Variants in UGT1A7 observed in about 807,000 individuals in gnomAD.
UGT1A7 encodes UDP glucuronosyltransferase family 1 member A7, also known as UDP-glucuronosyltransferase 1A7.
A neutral mutation model predicts 45.6 loss-of-function variants in UGT1A7; 33 were observed. The observed-to-expected ratio is 0.72, with a 90% CI of 0.55 to 0.97. UGT1A7 has a LOEUF of 0.97. UGT1A7 is among the 50% of genes least tolerant of loss of function. The pLI is 0.00. For synonymous variants in UGT1A7, 274 were observed against 250.6 expected, an observed-to-expected ratio of 1.09 and a Z score of -0.88; for missense variants, 684 against 666.2, an observed-to-expected ratio of 1.03 and a Z score of -0.29.
intron 1 of UGT1A7, among the ~76,000 whole-genome samples, chr2:233,683,034 G>A (rs1009810485): frequency 3.4e-4 from 52 of 151,970 alleles, no homozygotes; most frequent in African/African-American, 1.3e-3. Context: ...CAATCTAAAT[G>A]CTATTTTTGG....
chr2:233,707,235 A>T (rs2075951053), intron 1 of UGT1A7, among the ~76,000 whole-genome samples: 1 of 151,676 alleles, frequency 6.6e-6, no homozygotes, highest in Admixed American at 6.6e-5. Flanking sequence ...TGTGATGATT[A>T]TTTCTCTTGT....
At chr2:233,688,680 A>T (rs1230576037) in intron 1 of UGT1A7, among the ~76,000 whole-genome samples, 1 of 152,200 alleles carries the variant, frequency 6.6e-6, no homozygotes, top group Admixed American at 6.5e-5. Context: ...TTTTTAAAAA[A>T]TTTAATATTA....
chr2:233,743,134 T>TA (rs919324462), intron 1 of UGT1A7: 10 of 357,158 alleles, frequency 2.8e-5, no homozygotes, highest in East Asian at 7.3e-5. Context: ...CTTTCAATCC[T>TA]AAAAAAAGTC....
chr2:233,689,498 G>A (rs539374555), intron 1 of UGT1A7, among the ~76,000 whole-genome samples: 4 of 152,192 alleles, frequency 2.6e-5, no homozygotes, highest in East Asian at 1.9e-4. Flanking sequence ...AAATCAATAC[G>A]CAGAGGTTAC....
chr2:233,760,063 T>C (rs1697313793), intron 1 of UGT1A7, among the ~76,000 whole-genome samples: 1 of 152,194 alleles, frequency 6.6e-6, no homozygotes, highest in African/African-American at 2.4e-5. Flanking sequence ...GAATGTGATT[T>C]GAGTATGAAA....
chr2:233,691,507 C>A, intron 1 of UGT1A7: 1 of 985,720 alleles, frequency 1.0e-6, no homozygotes, highest in Non-Finnish European at 1.2e-6. Context: ...AACTCGCGTG[C>A]CAGCCAGGTG....
At chr2:233,708,553 AC>A (rs1349773245) in intron 1 of UGT1A7, 9 of 152,176 alleles carry the variant, frequency 5.9e-5, no homozygotes. Flanking sequence ...GGAGTTTGAG[AC>A]CAGCCTAGGC....
chr2:233,706,094 T>TAA lies in UGT1A7; in HGVS notation c.855+23310_855+23311dup, dbSNP rs141668784. On this transcript the variant is annotated intron_variant, in intron 1 of 4. Coordinates refer to ENST00000373426, the MANE Select transcript of UGT1A7 (RefSeq NM_019077.3). ...TGGGTGACAGAGCTAGATTCTGTCT[T>TAA]AAAAAAAAACCAAGAATTTCAGGAC... 1.5e-3 allele frequency among the ~76,000 whole-genome samples: 224 copies of TAA among 151,442 alleles called. 7 individuals carry two copies. The East Asian group carries it at 0.032, about 21-fold the overall frequency.
intron 1 of UGT1A7, among the ~76,000 whole-genome samples, chr2:233,684,328 G>A (rs1575432650): frequency 6.6e-6 from 1 of 152,142 alleles, no homozygotes. Flanking sequence ...GTTGTAGGAC[G>A]CTAAGAGGAT....
chr2:233,728,958 A>G (rs2077771946), intron 1 of UGT1A7: 1 of 1,444,154 alleles, frequency 6.9e-7, no homozygotes, highest in Non-Finnish European at 9.2e-7. Flanking sequence ...CCCACAGTGA[A>G]AAACAGTGAT....
intron 1 of UGT1A7, among the ~76,000 whole-genome samples, chr2:233,715,022 G>A (rs1438116974): frequency 2.0e-5 from 3 of 152,060 alleles, no homozygotes; most frequent in Admixed American, 1.3e-4. Flanking sequence ...AACTACAGGC[G>A]CATGGCACCA....
intron 1 of UGT1A7, among the ~76,000 whole-genome samples, chr2:233,686,724 G>T (rs948109683): frequency 1.3e-5 from 2 of 152,120 alleles, no homozygotes; most frequent in Admixed American, 1.3e-4. Context: ...CGGCTATGAA[G>T]GTCAACCTCT....
At chr2:233,757,125 G>T (rs1455211055) in intron 1 of UGT1A7, among the ~76,000 whole-genome samples, 1 of 151,320 alleles carries the variant, frequency 6.6e-6, no homozygotes, top group Admixed American at 6.6e-5. Context: ...CTAGAGAGGA[G>T]GAATGAGCTT....
rs1228937957 is a variant in UGT1A7 at position 233,725,058 on chromosome 2, G to C, written c.856-41976G>C. Reference sequence around the variant, plus strand: ...CAAAACCAGTCAGGCGTGGCGGCGCGCGCCTGCAATCGCAGGCACTCGGCA... The same window carrying C: ...CAAAACCAGTCAGGCGTGGCGGCGCCCGCCTGCAATCGCAGGCACTCGGCA... On this transcript the variant is annotated intron_variant, in intron 1 of 4. Coordinates refer to ENST00000373426, the MANE Select transcript of UGT1A7 (RefSeq NM_019077.3). Among the ~76,000 whole-genome samples the C allele has an allele frequency of 2.0e-5, 3 of 147,402 alleles. 1 individual carries two copies. The highest frequency in any genetic ancestry group is 5.1e-5 in the African/African-American group (2 of 39,480).
At chr2:233,714,075 C>G (rs575529005) in intron 1 of UGT1A7, among the ~76,000 whole-genome samples, 1 of 152,080 alleles carries the variant, frequency 6.6e-6, no homozygotes, top group African/African-American at 2.4e-5. Context: ...GAGGCAGGGA[C>G]GAGGATCTGT....
intron 1 of UGT1A7, among the ~76,000 whole-genome samples, chr2:233,683,145 G>A (rs1309929091): frequency 1.3e-5 from 2 of 151,972 alleles, no homozygotes; most frequent in Non-Finnish European, 2.9e-5. Flanking sequence ...TGTGTGAATT[G>A]TTTTCAATTT....
chr2:233,713,207 G>T (rs757096232), intron 1 of UGT1A7: 2 of 1,614,230 alleles, frequency 1.2e-6, no homozygotes, highest in Admixed American at 1.7e-5. Context: ...TCAAAGAAGA[G>T]AACTTTTTCA....
intron 1 of UGT1A7, among the ~76,000 whole-genome samples, chr2:233,698,808 C>T (rs1044678643): frequency 1.3e-5 from 2 of 152,216 alleles, no homozygotes; most frequent in African/African-American, 4.8e-5. Flanking sequence ...CTCCCAGCCT[C>T]GCCTTGTGGA....
chr2:233,735,668 T>C (rs552280878), intron 1 of UGT1A7, among the ~76,000 whole-genome samples: 4 of 152,360 alleles, frequency 2.6e-5, no homozygotes, highest in African/African-American at 4.8e-5. Context: ...TTTCCATGTT[T>C]AGTGCTTCCT....
Sources: gnomAD v4.1 joint callset for allele counts (sites outside exome capture counted in the v4.1 genomes callset) on GRCh38, gnomAD v4.1.1 for gene constraint, MANE v1.5 for transcripts, NCBI Gene and HGNC (gene_info 2026-07-23, HGNC 2026-07-21) for gene names.